Variants in NCALD observed in about 807,000 individuals in gnomAD.
The protein encoded by NCALD is neurocalcin-delta.
A neutral mutation model predicts 18.6 loss-of-function variants in NCALD; 10 were observed. The ratio of observed to expected loss-of-function variants is 0.54; its 90% confidence interval spans 0.33 to 0.91. The LOEUF is 0.91. Ranked by LOEUF, NCALD falls within the 40% of genes least tolerant of loss-of-function variation. The pLI is 0.03. For synonymous variants in NCALD, 88 were observed against 87.4 expected (o/e 1.01, Z -0.04); for missense variants, 184 against 247.6 (o/e 0.74, Z 1.72).
intron 2 of NCALD, among the ~76,000 whole-genome samples, chr8:101,963,523 G>C (rs908801450): frequency 1.3e-5 from 2 of 152,164 alleles, no homozygotes; most frequent in African/African-American, 4.8e-5. Context: ...CAGAACTGCT[G>C]CCGGACAGAA....
intron 1 of NCALD, among the ~76,000 whole-genome samples, chr8:102,052,091 C>T (rs546859075): frequency 6.6e-6 from 1 of 152,286 alleles, no homozygotes; most frequent in South Asian, 2.1e-4. Context: ...GGAAGAATCT[C>T]TCAGAAGCAC....
chr8:101,946,057 G>A (rs1378443991), intron 2 of NCALD, among the ~76,000 whole-genome samples: 1 of 152,124 alleles, frequency 6.6e-6, no homozygotes, highest in Non-Finnish European at 1.5e-5. Context: ...AAAAGAGATG[G>A]AGGAAAATCT....
chr8:101,987,474 C>T (rs950900739), intron 2 of NCALD, among the ~76,000 whole-genome samples: 3 of 152,146 alleles, frequency 2.0e-5, no homozygotes, highest in African/African-American at 7.2e-5. Flanking sequence ...TCGTGCACGT[C>T]TCTGGGCGGA....
intron 4 of NCALD, among the ~76,000 whole-genome samples, chr8:101,831,432 C>A (rs897203085): frequency 6.6e-6 from 1 of 152,176 alleles, no homozygotes; most frequent in Non-Finnish European, 1.5e-5. Flanking sequence ...AATCCATCTC[C>A]AATTCACTGG....
At chr8:102,075,735 A>G (rs1824322966) in intron 1 of NCALD, among the ~76,000 whole-genome samples, 1 of 152,276 alleles carries the variant, frequency 6.6e-6, no homozygotes, top group South Asian at 2.1e-4. Context: ...CAGATGGATT[A>G]CAAGGTCAGG....
chr8:101,721,506 G>A (rs1452608749), intron 1 of NCALD, among the ~76,000 whole-genome samples: 2 of 152,286 alleles, frequency 1.3e-5, no homozygotes, highest in Non-Finnish European at 2.9e-5. Context: ...TTTTCAGAAC[G>A]CTATTTTACA....
chr8:102,040,929 G>A (rs896266606), intron 1 of NCALD, among the ~76,000 whole-genome samples: 7 of 151,988 alleles, frequency 4.6e-5, no homozygotes, highest in Non-Finnish European at 1.0e-4. Context: ...GTTTCTGGGC[G>A]CTGATGTGGT....
At chr8:102,078,882 G>T (rs1013524535) in intron 1 of NCALD, among the ~76,000 whole-genome samples, 9 of 152,224 alleles carry the variant, frequency 5.9e-5, no homozygotes, top group African/African-American at 1.4e-4. Context: ...TTCCACAGGA[G>T]ACCAGGGCTT....
intron 3 of NCALD, among the ~76,000 whole-genome samples, chr8:101,900,067 A>G (rs964565832): frequency 1.3e-5 from 2 of 151,904 alleles, no homozygotes; most frequent in Non-Finnish European, 2.9e-5. Context: ...TATCAAAATT[A>G]TCTATTTTAT....
At chr8:101,894,942 G>T (rs1433730019) in intron 3 of NCALD, among the ~76,000 whole-genome samples, 1 of 150,756 alleles carries the variant, frequency 6.6e-6, no homozygotes, top group African/African-American at 2.5e-5. Flanking sequence ...GTACAAGGAG[G>T]AACTGGTACC....
At chr8:101,718,627 A>G (rs759632601) in intron 2 of NCALD, among the ~76,000 whole-genome samples, 1 of 152,220 alleles carries the variant, frequency 6.6e-6, no homozygotes, top group Non-Finnish European at 1.5e-5. Flanking sequence ...AGTGTTGAGC[A>G]GGAGCTAACA....
chr8:102,038,138 C>T (rs1171523752), intron 1 of NCALD, among the ~76,000 whole-genome samples: 1 of 152,092 alleles, frequency 6.6e-6, no homozygotes, highest in African/African-American at 2.4e-5. Context: ...TTCCTGACGG[C>T]CTTTGCCTTA....
intron 1 of NCALD, among the ~76,000 whole-genome samples, chr8:102,108,829 C>A (rs16869114): frequency 0.017 from 2,626 of 152,262 alleles, 101 homozygotes; most frequent in African/African-American, 0.06. Flanking sequence ...ACCAAGATTA[C>A]AGTTTCAAAC....
intron 1 of NCALD, among the ~76,000 whole-genome samples, chr8:101,777,243 A>G (rs573817406): frequency 1.3e-5 from 2 of 152,310 alleles, no homozygotes; most frequent in East Asian, 3.9e-4. Flanking sequence ...TGTGTTGGGT[A>G]CTTAATCCCA....
intron 1 of NCALD, among the ~76,000 whole-genome samples, chr8:102,099,023 G>A (rs753524937): frequency 2.0e-5 from 3 of 152,200 alleles, no homozygotes; most frequent in African/African-American, 7.2e-5. Context: ...CCCTATTGGA[G>A]AGAACCAACT....
intron 3 of NCALD, chr8:101,691,369 G>C: frequency 1.0e-6 from 1 of 985,348 alleles, no homozygotes; most frequent in Non-Finnish European, 1.2e-6. Flanking sequence ...AACTCAGTCA[G>C]GGCTCTGCAA....
chr8:101,870,596 A>T (rs183250662), intron 4 of NCALD, among the ~76,000 whole-genome samples: 45 of 152,324 alleles, frequency 3.0e-4, no homozygotes, highest in African/African-American at 8.9e-4. Flanking sequence ...CCATGCAGTG[A>T]ATTCCCTTCT....
intron 4 of NCALD, among the ~76,000 whole-genome samples, chr8:101,874,545 T>A (rs1226190762): frequency 6.6e-6 from 1 of 151,382 alleles, no homozygotes; most frequent in East Asian, 1.9e-4. Context: ...CAAAAAAAAA[T>A]TTTTTTTTCT....
intron 2 of NCALD, among the ~76,000 whole-genome samples, chr8:101,919,633 C>A (rs1818093692): frequency 6.6e-6 from 1 of 151,180 alleles, no homozygotes; most frequent in Non-Finnish European, 1.5e-5. Context: ...ACTATGCATC[C>A]AACAAAGCTC....
Sources: allele counts gnomAD v4.1 joint callset (sites outside exome capture counted in the v4.1 genomes callset), GRCh38; gene constraint gnomAD v4.1.1; transcripts MANE v1.5; gene names NCBI Gene and HGNC (gene_info 2026-07-23, HGNC 2026-07-21).